NDUFB6: variants seen among roughly 807,000 people sequenced by gnomAD.
NDUFB6 encodes the protein NADH:ubiquinone oxidoreductase subunit B6, also known as NADH dehydrogenase [ubiquinone] 1 beta subcomplex subunit 6.
Under a neutral mutation model 17.5 loss-of-function variants are expected in NDUFB6, and 23 were observed. The observed-to-expected ratio is 1.31, with a 90% CI of 0.94 to 1.86. NDUFB6 has a LOEUF of 1.86. NDUFB6 is among the 40% of genes most tolerant of loss of function. NDUFB6 has a pLI of 0.00. For synonymous variants in NDUFB6, 60 were observed against 53.5 expected, an observed-to-expected ratio of 1.12 and a Z score of -0.53; for missense variants, 167 against 153.8, an observed-to-expected ratio of 1.09 and a Z score of -0.46.
At position 32,570,470 on chromosome 9, in the gene NDUFB6, A is replaced by C. The variant is rs1821913901; in HGVS notation, c.273+490T>G. ...ATACCACAACTGGCTCAGTTCCATCAGCCCATGCAAGATCTGTATCAGTGA... is the reference window on the plus strand; with the variant it reads ...ATACCACAACTGGCTCAGTTCCATCCGCCCATGCAAGATCTGTATCAGTGA... On this transcript the variant is annotated intron_variant, in intron 2 of 3. Transcript: ENST00000379847. 3.9e-5 allele frequency among the ~76,000 whole-genome samples: 6 copies of C among 152,220 alleles called. No individual in the cohort carries two copies. The South Asian group carries it at 1.2e-3, about 31-fold the overall frequency.
intron 2 of NDUFB6, among the ~76,000 whole-genome samples, chr9:32,561,552 CCT>C (rs1563993970): frequency 6.6e-6 from 1 of 152,032 alleles, no homozygotes; most frequent in Admixed American, 6.6e-5. Flanking sequence ...TGGTCTCGAA[CCT>C]CTGAGCTCAA....
intron 2 of NDUFB6, among the ~76,000 whole-genome samples, 180 bp downstream of exon 2, chr9:32,570,780 A>AT (rs961509415): frequency 1.3e-5 from 2 of 152,186 alleles, no homozygotes; most frequent in African/African-American, 4.8e-5. Context: ...TAGTGACAAT[A>AT]TTTTTTAAAA....
At position 32,561,572 on chromosome 9, in the gene NDUFB6, A is replaced by C. The variant is rs913680547; in HGVS notation, c.274-2618T>G. On this transcript the variant is annotated intron_variant, in intron 2 of 3. Coordinates refer to ENST00000379847, the MANE Select transcript of NDUFB6 (RefSeq NM_002493.5). ...TCGAACCTCTGAGCTCAAGCAATCC[A>C]CCCGCCTCAGCCTCCCAAAGTGCCA... 2.6e-5 allele frequency among the ~76,000 whole-genome samples: 4 copies of C among 151,584 alleles called. No individual in the cohort carries two copies. The East Asian group carries it at 7.8e-4, about 29-fold the overall frequency.
rs1563998903 is a variant in NDUFB6 at position 32,571,012 on chromosome 9, T to C, written c.221A>G (p.His74Arg). 6.2e-7 allele frequency: 1 copy of C among 1,606,542 alleles called. No homozygotes were observed. The highest frequency in any genetic ancestry group is 8.5e-7 in the Non-Finnish European group (1 of 1,175,610). The change falls in exon 2 of 4, where the codon CAT becomes CGT. Residue 74 changes from histidine (H) to arginine (R), a missense_variant. By Grantham distance (29) the His-to-Arg change is conservative. Transcript: ENST00000379847. ...AATAATCCAGACAGGTACAAGTACA[T>C]GAGTGAAAACAAAGATACTCTTTTT... ...VYKKSIFVFT[H>R]VLVPVWIIHY...
chr9:32,566,873 C>T (rs766684536), intron 2 of NDUFB6: 11 of 642,896 alleles, frequency 1.7e-5, no homozygotes, highest in East Asian at 6.8e-5. Flanking sequence ...ATGAGCCACG[C>T]GTGCGGCTGG....
intron 2 of NDUFB6, chr9:32,567,570 C>G (rs1821835477): frequency 2.6e-6 from 1 of 389,684 alleles, no homozygotes; most frequent in African/African-American, 2.1e-5. Flanking sequence ...GCTGATTTGC[C>G]CACCTCAGCC....
intron 3 of NDUFB6, among the ~76,000 whole-genome samples, chr9:32,555,528 T>C (rs77087090): frequency 0.026 from 3,997 of 152,350 alleles, 75 homozygotes; most frequent in Non-Finnish European, 0.04. Context: ...AAACAGATAC[T>C]GGCATGAGAC....
At chr9:32,567,442 C>T in intron 2 of NDUFB6, 1 of 453,078 alleles carries the variant, frequency 2.2e-6, no homozygotes, top group Non-Finnish European at 4.5e-6. Flanking sequence ...GATTCTCCTG[C>T]CTCAGCCTCC....
At chr9:32,565,006 C>A (rs1821740094) in intron 2 of NDUFB6, among the ~76,000 whole-genome samples, 1 of 152,088 alleles carries the variant, frequency 6.6e-6, no homozygotes. Context: ...ATAAACAATT[C>A]AGCAGGCCAG....
In NDUFB6 at chr9:32,573,029, C is replaced by G; in HGVS notation, c.32G>C (p.Arg11Pro). The stretch of plus-strand genomic sequence containing the variant: ...TCTCAGCTCTCGCAGCTGCTGCAGC[C>G]GCAGTTTCTCATCCGGAGTGTACCC... MTGYTPDEKL[R>P]LQQLRELRRR... Residue 11 changes from arginine to proline, a missense_variant, in exon 1 of 4, where the codon CGG becomes CCG. By Grantham distance (103) the Arg-to-Pro change is moderately radical (BLOSUM62 -2). Transcript: ENST00000379847. 6.3e-7 allele frequency: 1 copy of G among 1,598,752 alleles called. No individual in the cohort carries two copies. The highest frequency in any genetic ancestry group is 1.1e-5 in the South Asian group (1 of 90,068).
intron 2 of NDUFB6, among the ~76,000 whole-genome samples, chr9:32,562,574 TTACA>T (rs1296235093): frequency 6.6e-6 from 1 of 152,202 alleles, no homozygotes; most frequent in Non-Finnish European, 1.5e-5. Flanking sequence ...AATTTTAAAC[TTACA>T]TAAAGCTGCA....
chr9:32,566,249 A>AG lies in NDUFB6; in HGVS notation c.273+4710dup. 4 of 1,023,224 alleles carry AG rather than the reference A, an allele frequency of 3.9e-6. No homozygotes were observed. The South Asian group carries it at 5.1e-5, about 13-fold the overall frequency. 63.4% of individuals were successfully genotyped at this position (1,023,224 alleles called of 1,614,324 possible). ...GTTTTGTGGGTGGTTTTCTTATGGC[A>AG]GACAACACTAATTTTAGGTTCTCTG... On this transcript the variant is annotated intron_variant, in intron 2 of 3. Transcript: ENST00000379847.
chr9:32,560,717 CAG>C (rs1220757465), intron 2 of NDUFB6, among the ~76,000 whole-genome samples: 2 of 152,030 alleles, frequency 1.3e-5, no homozygotes, highest in African/African-American at 4.8e-5. Context: ...AAATATTTAA[CAG>C]AATTTAGCTA....
chr9:32,568,754 T>TC (rs1316899882), intron 2 of NDUFB6: 1 of 92,276 alleles, frequency 1.1e-5, no homozygotes, highest in Non-Finnish European at 2.4e-5. Context: ...ATATATTTTT[T>TC]TTTTTTTTTT....
At chr9:32,565,103 G>A (rs1335270250) in intron 2 of NDUFB6, among the ~76,000 whole-genome samples, 2 of 151,892 alleles carry the variant, frequency 1.3e-5, no homozygotes, top group East Asian at 3.9e-4. Flanking sequence ...GACCAGCCTG[G>A]CCAACATGGC....
At chr9:32,559,032 AT>A in intron 2 of NDUFB6, 78 bp from the exon 3 acceptor site, 1 of 995,340 alleles carries the variant, frequency 1.0e-6, no homozygotes. Context: ...CATACCCCAA[AT>A]TTTAACTTAA....
At chr9:32,559,299 C>T (rs1821562283) in intron 2 of NDUFB6, among the ~76,000 whole-genome samples, 1 of 152,172 alleles carries the variant, frequency 6.6e-6, no homozygotes, top group South Asian at 2.1e-4. Flanking sequence ...CCAACTGGTT[C>T]TCATCACCAG....
At chr9:32,570,438 C>G (rs954110290) in intron 2 of NDUFB6, among the ~76,000 whole-genome samples, 1 of 152,154 alleles carries the variant, frequency 6.6e-6, no homozygotes, top group African/African-American at 2.4e-5. Context: ...CAGACCAAGC[C>G]TTTAAAATAC....
chr9:32,566,170 C>T (rs1016931901), intron 2 of NDUFB6: 1 of 719,072 alleles, frequency 1.4e-6, no homozygotes, highest in Non-Finnish European at 2.5e-6. Context: ...TCACACAGGC[C>T]ACTTCCTCTT....
Sources: gnomAD v4.1 joint callset for allele counts (sites outside exome capture counted in the v4.1 genomes callset) on GRCh38, gnomAD v4.1.1 for gene constraint, MANE v1.5 for transcripts, NCBI Gene and HGNC (gene_info 2026-07-23, HGNC 2026-07-21) for gene names.